The following KCNH1 variants were observed in gnomAD, a reference collection of about 807,000 sequenced individuals.
The protein encoded by KCNH1 is voltage-gated delayed rectifier potassium channel KCNH1.
Under a neutral mutation model 69.2 loss-of-function variants are expected in KCNH1, and 27 were observed. That is an observed-to-expected ratio of 0.39 (90% CI 0.29 to 0.54). The LOEUF (loss-of-function observed/expected upper bound fraction) is 0.54, where lower values mean the gene tolerates loss of function less well. Among genes scored for constraint, KCNH1 ranks in the 20% least tolerant of loss-of-function variants. KCNH1 has a pLI of 0.68. For missense variants in KCNH1, 798 were observed against 1,261.6 expected, an observed-to-expected ratio of 0.63 and a Z score of 5.57; for synonymous variants, 456 against 487.7, an observed-to-expected ratio of 0.93 and a Z score of 0.86.
chr1:211,085,547 C>A (rs773951089), intron 4 of KCNH1, among the ~76,000 whole-genome samples: 12 of 151,186 alleles, frequency 7.9e-5, no homozygotes, highest in Non-Finnish European at 1.8e-4. Context: ...ACCATGTGGG[C>A]CTGGACCAAT....
chr1:210,760,512 G>A (rs111539043), intron 10 of KCNH1, among the ~76,000 whole-genome samples: 2,211 of 152,294 alleles, frequency 0.015, 24 homozygotes, highest in Non-Finnish European at 0.02. Context: ...ATCACTACCA[G>A]ACCAGTCCTA....
At chr1:211,123,037 G>T (rs187215059) in intron 1 of KCNH1, among the ~76,000 whole-genome samples, 1 of 152,318 alleles carries the variant, frequency 6.6e-6, no homozygotes, top group East Asian at 1.9e-4. Context: ...TCTCAGAACA[G>T]CTTTGTTTAA....
intron 10 of KCNH1, among the ~76,000 whole-genome samples, chr1:210,769,840 A>G (rs1683716624): frequency 6.6e-6 from 1 of 152,198 alleles, no homozygotes; most frequent in South Asian, 2.1e-4. Flanking sequence ...CTGGTTATTA[A>G]CCAAGGGCAA....
Position 210,679,689 on chromosome 1 carries a change from C to T in KCNH1, c.*3592G>A, listed in dbSNP as rs61827458. 7,360 of 152,120 alleles carry T rather than the reference C, an allele frequency of 0.048. 262 individuals carry two copies. Among genetic ancestry groups the T allele is most frequent in the Middle Eastern group, 0.078 (23 of 294 alleles). The allele number at this position is 152,120 out of a possible 1,614,324, so 9.4% of individuals were successfully genotyped here. A position where few individuals can be genotyped will look rare whatever the true frequency, so the allele number is the denominator to read the frequency against. On this transcript the variant is annotated 3_prime_UTR_variant, in exon 11 of 11. Coordinates refer to ENST00000271751, the MANE Select transcript of KCNH1 (RefSeq NM_172362.3). ...TGGTATAGTACATTTTTACCCCTGC[C>T]CAGCCCTCCCCACTTTTGAAAGAGG...
At chr1:211,030,755 A>G (rs4951492) in intron 5 of KCNH1, among the ~76,000 whole-genome samples, 1 of 151,966 alleles carries the variant, frequency 6.6e-6, no homozygotes, top group African/African-American at 2.4e-5. Context: ...AACTGACAAG[A>G]TGGACTTCAT....
At chr1:210,784,920 G>C (rs992568991) in intron 9 of KCNH1, among the ~76,000 whole-genome samples, 4 of 152,106 alleles carry the variant, frequency 2.6e-5, no homozygotes, top group Non-Finnish European at 5.9e-5. Context: ...TTCCAAAGGT[G>C]GGGTTTTGTG....
intron 10 of KCNH1, among the ~76,000 whole-genome samples, chr1:210,724,816 T>A (rs1013230102): frequency 3.9e-5 from 6 of 152,316 alleles, no homozygotes; most frequent in Non-Finnish European, 7.4e-5. Context: ...GACAGATGCG[T>A]CCTGCTGCCA....
At chr1:210,932,565 G>A (rs1687697311) in intron 6 of KCNH1, among the ~76,000 whole-genome samples, 1 of 151,922 alleles carries the variant, frequency 6.6e-6, no homozygotes, top group Non-Finnish European at 1.5e-5. Context: ...GATACACATT[G>A]GATGAATGAA....
rs117644661 is a variant in KCNH1 at position 210,840,125 on chromosome 1, T to C, written c.1463-35959A>G. 9.7e-4 allele frequency among the ~76,000 whole-genome samples: 148 copies of C among 152,298 alleles called. 1 individual carries two copies. The East Asian group carries it at 0.027, about 28-fold the overall frequency. On this transcript the variant is annotated intron_variant, in intron 7 of 10. Coordinates refer to ENST00000271751, the MANE Select transcript of KCNH1 (RefSeq NM_172362.3). ...GACAACAGAGGTCAAAGACAAAATG[T>C]CTCTCAACCACAGCATTAACTGCAT...
chr1:210,869,484 CGTGT>C (rs61235458), intron 7 of KCNH1, among the ~76,000 whole-genome samples: 17,107 of 136,790 alleles, frequency 0.13, 1,075 homozygotes, highest in South Asian at 0.16. Context: ...AGTTATAAGT[CGTGT>C]GTGTGTGTGT....
In KCNH1 at chr1:210,842,360, G is replaced by A. The variant is rs150766764; in HGVS notation, c.1463-38194C>T. ...AATCAAACTCTTTATTTAGAGACAC[G>A]AAGAGGGTTTTTCTAGGTTGGCAGA... On this transcript the variant is annotated intron_variant, in intron 7 of 10. Transcript: ENST00000271751. Among the ~76,000 whole-genome samples the A allele has an allele frequency of 2.8e-4, 43 of 152,240 alleles. 1 individual carries two copies. The East Asian group carries it at 6.9e-3, about 25-fold the overall frequency.
chr1:210,765,193 T>C (rs1217219596), intron 10 of KCNH1, among the ~76,000 whole-genome samples: 1 of 151,714 alleles, frequency 6.6e-6, no homozygotes, highest in African/African-American at 2.4e-5. Context: ...CAATAAACAC[T>C]TGGGATTCCA....
chr1:210,723,952 T>C (rs1682532398), intron 10 of KCNH1, among the ~76,000 whole-genome samples: 1 of 152,144 alleles, frequency 6.6e-6, no homozygotes, highest in Non-Finnish European at 1.5e-5. Flanking sequence ...GAGGTATCTA[T>C]AGCTTCTCAC....
At chr1:210,991,333 T>A (rs1331570430) in intron 6 of KCNH1, among the ~76,000 whole-genome samples, 1 of 152,288 alleles carries the variant, frequency 6.6e-6, no homozygotes. Context: ...GAAGACATTA[T>A]GCTAAATGAA....
At chr1:210,784,782 G>A (rs1684061900) in intron 9 of KCNH1, among the ~76,000 whole-genome samples, 1 of 152,080 alleles carries the variant, frequency 6.6e-6, no homozygotes, top group African/African-American at 2.4e-5. Flanking sequence ...TATTAGAGAT[G>A]GGACACTGGA....
intron 10 of KCNH1, among the ~76,000 whole-genome samples, chr1:210,709,573 G>T (rs1682001708): frequency 6.6e-6 from 1 of 152,176 alleles, no homozygotes; most frequent in Admixed American, 6.5e-5. Flanking sequence ...GTGACATCAT[G>T]AAGCTAAGTT....
chr1:211,033,164 C>T (rs904483979), intron 5 of KCNH1, among the ~76,000 whole-genome samples: 17 of 152,180 alleles, frequency 1.1e-4, no homozygotes, highest in Non-Finnish European at 2.4e-4. Context: ...TGAAAAAATG[C>T]TCATCATCAC....
intron 5 of KCNH1, among the ~76,000 whole-genome samples, chr1:211,027,773 A>G (rs1227788361): frequency 2.0e-5 from 3 of 152,172 alleles, no homozygotes; most frequent in Non-Finnish European, 4.4e-5. Flanking sequence ...CACCAAGAAG[A>G]CAGAACAATC....
intron 6 of KCNH1, among the ~76,000 whole-genome samples, chr1:210,928,543 A>G (rs1687618567): frequency 6.6e-6 from 1 of 152,220 alleles, no homozygotes; most frequent in Admixed American, 6.5e-5. Flanking sequence ...CAACCTATCA[A>G]AACCTCTGGA....
Sources: gnomAD v4.1 joint callset for allele counts (sites outside exome capture counted in the v4.1 genomes callset) on GRCh38, gnomAD v4.1.1 for gene constraint, MANE v1.5 for transcripts, NCBI Gene and HGNC (gene_info 2026-07-23, HGNC 2026-07-21) for gene names.